PRSS23: variants seen among roughly 807,000 people sequenced by gnomAD.
PRSS23 encodes protease, serine 23.
A neutral mutation model predicts 34.7 loss-of-function variants in PRSS23; 25 were observed. That is an observed-to-expected ratio of 0.72 (90% CI 0.53 to 1.01). The LOEUF is 1.01. Ranked by LOEUF, PRSS23 falls within the 50% of genes least tolerant of loss-of-function variation. The pLI is 0.00. For synonymous variants in PRSS23, 176 were observed against 186.6 expected, an observed-to-expected ratio of 0.94 and a Z score of 0.46; for missense variants, 445 against 475.6, an observed-to-expected ratio of 0.94 and a Z score of 0.60.
chr11:86,867,220 A>C (rs1948655338), intron 2 of PRSS23, among the ~76,000 whole-genome samples: 1 of 152,078 alleles, frequency 6.6e-6, no homozygotes, highest in Non-Finnish European at 1.5e-5. Flanking sequence ...CTGTGATAAA[A>C]CCACCTTCAT....
upstream of PRSS23, among the ~76,000 whole-genome samples, chr11:86,797,769 T>C (rs1401903339): frequency 6.6e-6 from 1 of 152,250 alleles, no homozygotes; most frequent in Non-Finnish European, 1.5e-5. Flanking sequence ...ATTAAGGGCT[T>C]GTTCCATGTA....
chr11:86,799,161 C>A (rs190177369), upstream of PRSS23, among the ~76,000 whole-genome samples: 1 of 152,168 alleles, frequency 6.6e-6, no homozygotes, highest in African/African-American at 2.4e-5. Flanking sequence ...AGGGAGGATA[C>A]TTGAGCCCAG....
At chr11:86,854,857 A>C (rs1309064429) in intron 2 of PRSS23, among the ~76,000 whole-genome samples, 2 of 152,214 alleles carry the variant, frequency 1.3e-5, no homozygotes, top group African/African-American at 4.8e-5. Context: ...AAAAACAAAC[A>C]AACAACAACA....
At chr11:86,939,426 A>ATATATATATAT in intron 2 of PRSS23, among the ~76,000 whole-genome samples, 3 of 94,072 alleles carry the variant, frequency 3.2e-5, no homozygotes, top group African/African-American at 6.6e-5. Context: ...ATATATATAT[A>ATATATATATAT]TTTTTTAACA....
At chr11:86,805,913 C>G (rs557677081) in intron 1 of PRSS23, among the ~76,000 whole-genome samples, 1 of 152,314 alleles carries the variant, frequency 6.6e-6, no homozygotes, top group Admixed American at 6.5e-5. Flanking sequence ...CCCAGAGCCT[C>G]TTGAGACCCA....
At chr11:86,875,722 C>T (rs1198757408) in intron 2 of PRSS23, among the ~76,000 whole-genome samples, 1 of 152,186 alleles carries the variant, frequency 6.6e-6, no homozygotes, top group Non-Finnish European at 1.5e-5. Context: ...GACCTCCAAT[C>T]CCATCAATTA....
chr11:86,886,713 C>T (rs1344518654), intron 2 of PRSS23, among the ~76,000 whole-genome samples: 3 of 152,078 alleles, frequency 2.0e-5, no homozygotes, highest in Non-Finnish European at 4.4e-5. Flanking sequence ...CCGAGGTGGG[C>T]AGATCACTTG....
At chr11:86,863,427 C>A (rs7102652) in intron 2 of PRSS23, among the ~76,000 whole-genome samples, 10,694 of 152,102 alleles carry the variant, frequency 0.07, 472 homozygotes, top group African/African-American at 0.12. Context: ...ACAGGAAATG[C>A]CCCAGGTGCT....
chr11:86,861,269 G>A (rs977770876), intron 2 of PRSS23, among the ~76,000 whole-genome samples: 1 of 150,930 alleles, frequency 6.6e-6, no homozygotes, highest in Non-Finnish European at 1.5e-5. Flanking sequence ...GTCGCGGGGG[G>A]TGTCCACCCC....
At chr11:86,837,270 A>G (rs527353366) in intron 2 of PRSS23, 1 of 152,370 alleles carries the variant, frequency 6.6e-6, no homozygotes, top group South Asian at 2.1e-4. Flanking sequence ...ACATTTATAA[A>G]CACTGTGTAA....
intron 1 of PRSS23, among the ~76,000 whole-genome samples, chr11:86,794,438 A>G (rs1310114769): frequency 6.6e-6 from 1 of 152,186 alleles, no homozygotes; most frequent in Non-Finnish European, 1.5e-5. Flanking sequence ...CAAGTACTCA[A>G]GTCTATTTTT....
intron 2 of PRSS23, among the ~76,000 whole-genome samples, chr11:86,885,432 A>G (rs1415499920): frequency 6.6e-6 from 1 of 152,208 alleles, no homozygotes; most frequent in Non-Finnish European, 1.5e-5. Context: ...CAGTGCCCAG[A>G]TATTTGGCCA....
At position 86,807,706 on chromosome 11, in the gene PRSS23, G is replaced by A; in HGVS notation, c.63G>A (p.Val21=). ...LFFLLCAVGQ[V]SPYSAPWKPT... ...TTCTGCTCTGTGCTGTTGGGCAAGT[G>A]AGCCCTTACAGTGCCCCCTGGAAAC... Residue 21 remains valine (V), a synonymous_variant, in exon 2 of 2, where the codon GTG becomes GTA. Coordinates refer to ENST00000280258, the MANE Select transcript of PRSS23 (RefSeq NM_007173.6). 6.2e-7 allele frequency: 1 copy of A among 1,613,876 alleles called. No individual in the cohort carries two copies. The highest frequency in any genetic ancestry group is 8.5e-7 in the Non-Finnish European group (1 of 1,179,976).
intron 2 of PRSS23, chr11:86,951,017 G>C (rs1949285712): frequency 2.0e-6 from 2 of 1,024,194 alleles, no homozygotes; most frequent in African/African-American, 1.6e-5. Context: ...GGGTTGACGG[G>C]GGTCACTTAA....
intron 2 of PRSS23, among the ~76,000 whole-genome samples, chr11:86,871,523 A>G (rs1948684273): frequency 6.6e-6 from 1 of 152,158 alleles, no homozygotes; most frequent in African/African-American, 2.4e-5. Context: ...TGTCCCACAA[A>G]TTCTGGCCAC....
chr11:86,944,650 C>G (rs1250339746), intron 2 of PRSS23, among the ~76,000 whole-genome samples: 1 of 152,144 alleles, frequency 6.6e-6, no homozygotes, highest in East Asian at 1.9e-4. Context: ...GAAGTATTTT[C>G]TATTCAGAAA....
intron 2 of PRSS23, among the ~76,000 whole-genome samples, chr11:86,853,189 C>T (rs1948543168): frequency 7.0e-6 from 1 of 142,220 alleles, no homozygotes; most frequent in African/African-American, 2.6e-5. Flanking sequence ...ATTTCACTGA[C>T]GATGATGTCT....
chr11:86,942,490 GA>G (rs1349881466), intron 2 of PRSS23, among the ~76,000 whole-genome samples: 2 of 152,176 alleles, frequency 1.3e-5, no homozygotes, highest in African/African-American at 4.8e-5. Context: ...CTCTTAAAGA[GA>G]AAGGCATTGA....
At chr11:86,841,432 A>C (rs1948447598) in intron 2 of PRSS23, among the ~76,000 whole-genome samples, 1 of 152,068 alleles carries the variant, frequency 6.6e-6, no homozygotes, top group African/African-American at 2.4e-5. Context: ...TCAAAAAATA[A>C]GTTCAGAGCA....
Sources: allele counts gnomAD v4.1 joint callset (sites outside exome capture counted in the v4.1 genomes callset), GRCh38; gene constraint gnomAD v4.1.1; transcripts MANE v1.5; gene names NCBI Gene and HGNC (gene_info 2026-07-23, HGNC 2026-07-21).